Variants in CD38 observed in about 807,000 individuals in gnomAD.
The protein encoded by CD38 is ADP-ribosyl cyclase/cyclic ADP-ribose hydrolase 1.
CD38 carries 31 observed loss-of-function variants against 36.3 expected under a neutral mutation model. That is an observed-to-expected ratio of 0.85 (90% confidence interval 0.64 to 1.15). CD38 has a LOEUF of 1.15. Among genes scored for constraint, CD38 ranks in the 50% most tolerant of loss-of-function variants. CD38 has a pLI of 0.00. For synonymous variants in CD38, 131 were observed against 135.2 expected, an observed-to-expected ratio of 0.97 and a Z score of 0.22; for missense variants, 380 against 371.9, an observed-to-expected ratio of 1.02 and a Z score of -0.18.
intron 3 of CD38, among the ~76,000 whole-genome samples, chr4:15,833,206 G>A (rs960723656): frequency 6.6e-6 from 1 of 152,128 alleles, no homozygotes; most frequent in Non-Finnish European, 1.5e-5. Context: ...AGCCCAGTTG[G>A]TGCTCTACCT....
chr4:15,827,900 C>G (rs1465980611), intron 3 of CD38, among the ~76,000 whole-genome samples: 1 of 151,946 alleles, frequency 6.6e-6, no homozygotes, highest in Non-Finnish European at 1.5e-5. Context: ...TATTTATTTA[C>G]TTTTTATTCT....
At chr4:15,838,207 C>A (rs763124131) in intron 5 of CD38, 42 bp downstream of exon 5, 5 of 1,334,734 alleles carry the variant, frequency 3.7e-6, no homozygotes, top group Non-Finnish European at 4.3e-6. Flanking sequence ...TATCCTGTTG[C>A]AAATATCACA....
chr4:15,811,388 AT>A (rs1723466081), intron 1 of CD38, among the ~76,000 whole-genome samples: 1 of 152,080 alleles, frequency 6.6e-6, no homozygotes, highest in Admixed American at 6.5e-5. Flanking sequence ...GCCTCTAAGA[AT>A]TTTCTAATTT....
intron 1 of CD38, among the ~76,000 whole-genome samples, chr4:15,784,940 C>T (rs1392646572): frequency 2.6e-5 from 4 of 152,094 alleles, no homozygotes; most frequent in Non-Finnish European, 5.9e-5. Context: ...CCTGTAGTCC[C>T]AGCTACTCAG....
rs548628020 is a variant in CD38, at chr4:15,824,750, A to C, written c.364-131A>C. ...CACAGAAATCATTGATGCTTACAACAATTCTTACTCTTACTATGGGTGATT... is the reference window on the plus strand; with the variant it reads ...CACAGAAATCATTGATGCTTACAACCATTCTTACTCTTACTATGGGTGATT... On this transcript the variant is annotated intron_variant, in intron 2 of 7. Coordinates refer to ENST00000226279, the MANE Select transcript of CD38 (RefSeq NM_001775.4). 1.8e-4 allele frequency: 128 copies of C among 727,454 alleles called. 1 individual carries two copies. In the East Asian group the frequency reaches 2.3e-3, roughly 13 times the overall value. The allele number at this position is 727,454 out of a possible 1,614,324, so 45.1% of individuals were successfully genotyped here.
chr4:15,840,576 T>C (rs1298733274), intron 7 of CD38, 38 bp downstream of exon 7: 1 of 1,204,014 alleles, frequency 8.3e-7, no homozygotes, highest in South Asian at 1.3e-5. Flanking sequence ...ATGACTGTCT[T>C]GTCACCTGTA....
chr4:15,784,050 G>C (rs1343267010), intron 1 of CD38, among the ~76,000 whole-genome samples: 1 of 152,190 alleles, frequency 6.6e-6, no homozygotes, highest in Non-Finnish European at 1.5e-5. Context: ...GGACCAACCT[G>C]GGAACAGAGC....
chr4:15,825,017 G>A lies in CD38; in HGVS notation c.499+1G>A, dbSNP rs79840235. 1 of 1,606,824 alleles carries A rather than the reference G, an allele frequency of 6.2e-7. No individual in the cohort carries two copies. The highest frequency in any genetic ancestry group is 8.5e-7 in the Non-Finnish European group (1 of 1,175,980). On this transcript the variant is annotated splice_donor_variant, in intron 3 of 7. Transcript: ENST00000226279. LOFTEE classifies it high-confidence loss of function. ...TGGTGTGGTGAATTCAACACTTCCA[G>A]TGAGGCTCTGGGCCCTGTGGGATTG...
intron 1 of CD38, among the ~76,000 whole-genome samples, chr4:15,792,637 A>G (rs1341872171): frequency 1.3e-5 from 2 of 152,092 alleles, no homozygotes; most frequent in Non-Finnish European, 2.9e-5. Flanking sequence ...CTATTTACCC[A>G]TTAAAAAAAA....
intron 1 of CD38, among the ~76,000 whole-genome samples, chr4:15,790,005 G>C (rs534902387): frequency 2.2e-4 from 34 of 152,252 alleles, no homozygotes; most frequent in Middle Eastern, 3.4e-3. Context: ...TCTTAGCAAA[G>C]ACCTAAAGAA....
intron 3 of CD38, among the ~76,000 whole-genome samples, chr4:15,828,659 C>T (rs748685820): frequency 2.6e-5 from 4 of 152,210 alleles, no homozygotes; most frequent in South Asian, 2.1e-4. Flanking sequence ...GAATTTCTTT[C>T]TTTTTAAAGT....
chr4:15,802,049 A>G (rs1723234428), intron 1 of CD38, among the ~76,000 whole-genome samples: 1 of 152,166 alleles, frequency 6.6e-6, no homozygotes, highest in African/African-American at 2.4e-5. Context: ...AGAAAAATCT[A>G]AAGACTCCAC....
intron 1 of CD38, among the ~76,000 whole-genome samples, chr4:15,803,142 C>T (rs1198651041): frequency 1.3e-5 from 2 of 152,072 alleles, no homozygotes; most frequent in Admixed American, 6.6e-5. Context: ...AAAAAAGTAA[C>T]TCAAAACGAA....
chr4:15,789,308 CAG>C (rs917867453), intron 1 of CD38, among the ~76,000 whole-genome samples: 2 of 152,100 alleles, frequency 1.3e-5, no homozygotes, highest in South Asian at 4.1e-4. Context: ...GACATTGAAA[CAG>C]AAAAATACAT....
intron 7 of CD38, among the ~76,000 whole-genome samples, chr4:15,841,526 C>T (rs1045015335): frequency 1.3e-5 from 2 of 151,990 alleles, no homozygotes; most frequent in African/African-American, 4.8e-5. Flanking sequence ...AATGAAGGAG[C>T]AACTGTAAAA....
chr4:15,790,704 C>T (rs369628821), intron 1 of CD38, among the ~76,000 whole-genome samples: 6 of 151,032 alleles, frequency 4.0e-5, no homozygotes, highest in Non-Finnish European at 7.4e-5. Context: ...CGTCTCTGCC[C>T]GGCCGCCATC....
intron 2 of CD38, 38 bp downstream of exon 2, chr4:15,816,678 T>TAA (rs1723602976): frequency 1.2e-6 from 2 of 1,609,568 alleles, no homozygotes; most frequent in Non-Finnish European, 1.7e-6. Flanking sequence ...AAACTGGGGA[T>TAA]AAAAGCCAAT....
At position 15,812,026 on chromosome 4, in the gene CD38, T is replaced by C. The variant is rs141641773; in HGVS notation, c.234-4485T>C. On this transcript the variant is annotated intron_variant, in intron 1 of 7. Coordinates refer to ENST00000226279, the MANE Select transcript of CD38 (RefSeq NM_001775.4). The stretch of plus-strand genomic sequence containing the variant: ...GGAGAGGAATTTTTCTTCTGGGTGT[T>C]ATTCAAGGTTGAGGTCTTCTTTTCT... Among the ~76,000 whole-genome samples the C allele has an allele frequency of 5.7e-3, 871 of 152,314 alleles. 2 individuals are homozygous for C. The highest frequency in any genetic ancestry group is 0.034 in the Middle Eastern group (10 of 294).
intron 1 of CD38, among the ~76,000 whole-genome samples, chr4:15,791,736 C>T (rs1246052101): frequency 3.7e-5 from 3 of 80,366 alleles, no homozygotes; most frequent in African/African-American, 1.2e-4. Context: ...CGCCTCTGCC[C>T]GGCCGCCCCT....
Sources: allele counts gnomAD v4.1 joint callset (sites outside exome capture counted in the v4.1 genomes callset), GRCh38; gene constraint gnomAD v4.1.1; transcripts MANE v1.5; gene names NCBI Gene and HGNC (gene_info 2026-07-23, HGNC 2026-07-21).